MITF: variants seen among roughly 807,000 people sequenced by gnomAD.
MITF encodes the protein melanocyte inducing transcription factor.
In MITF, 17 loss-of-function variants were observed where a neutral mutation model predicts 60.5. That is an observed-to-expected ratio of 0.28 (90% CI 0.19 to 0.42). The LOEUF (loss-of-function observed/expected upper bound fraction) is 0.42, where lower values mean the gene tolerates loss of function less well. Among genes scored for constraint, MITF ranks in the 10% least tolerant of loss-of-function variants. The pLI is 1.00. For synonymous variants in MITF, 260 were observed against 248.5 expected (o/e 1.05, Z -0.43); for missense variants, 622 against 683.5 (o/e 0.91, Z 1.00).
intron 1 of MITF, among the ~76,000 whole-genome samples, chr3:69,749,497 G>A (rs1703849860): frequency 6.6e-6 from 1 of 152,164 alleles, no homozygotes; most frequent in African/African-American, 2.4e-5. Context: ...TAATGCTTTT[G>A]GCAGAGAGTG....
rs140458121 is a variant in MITF at position 69,851,300 on chromosome 3, T to G, written c.105-27834T>G. On this transcript the variant is annotated intron_variant, in intron 1 of 9. Transcript: ENST00000352241. ...AGTATGTACCATTTCTTTTTATTAT[T>G]GGTAATTGTGACCTTGGCTCAGTCA... is the stretch of plus-strand genomic sequence containing the variant. Among the ~76,000 whole-genome samples the G allele has an allele frequency of 7.7e-4, 117 of 152,342 alleles. 2 individuals are homozygous for G. Among genetic ancestry groups the G allele is most frequent in the African/African-American group, 2.6e-3 (109 of 41,586 alleles).
intron 1 of MITF, among the ~76,000 whole-genome samples, chr3:69,809,228 G>A (rs766719201): frequency 1.3e-5 from 2 of 152,096 alleles, no homozygotes; most frequent in Non-Finnish European, 2.9e-5. Flanking sequence ...AATAGGATAA[G>A]GAATGGGGTG....
At chr3:69,923,724 T>A (rs1042336178) in intron 2 of MITF, among the ~76,000 whole-genome samples, 2 of 152,224 alleles carry the variant, frequency 1.3e-5, no homozygotes, top group African/African-American at 2.4e-5. Flanking sequence ...AAAGAAGTAG[T>A]CTATCCTCTT....
intron 1 of MITF, among the ~76,000 whole-genome samples, chr3:69,814,791 G>A (rs2063155416): frequency 6.6e-6 from 1 of 152,132 alleles, no homozygotes; most frequent in Non-Finnish European, 1.5e-5. Context: ...TCCCAGTGGA[G>A]TCACATGGAG....
chr3:69,937,735 C>T, intron 2 of MITF, 87 bp from the exon 3 acceptor site: 1 of 1,053,388 alleles, frequency 9.5e-7, no homozygotes, highest in Non-Finnish European at 1.5e-6. Context: ...GTGGCCTGGT[C>T]AGTTTCATGT....
intron 9 of MITF, among the ~76,000 whole-genome samples, chr3:69,964,494 T>C (rs1351283675): frequency 1.5e-5 from 2 of 134,402 alleles, no homozygotes; most frequent in African/African-American, 5.8e-5. Flanking sequence ...AAGTATCTGA[T>C]TTTTAAAAAT....
intron 2 of MITF, among the ~76,000 whole-genome samples, chr3:69,927,531 TA>T (rs1242100997): frequency 3.5e-4 from 51 of 145,616 alleles, no homozygotes; most frequent in Middle Eastern, 3.5e-3. Context: ...GAACTTAAAG[TA>T]AAAAAAAAAA....
chr3:69,923,883 G>A (rs1304252389), intron 2 of MITF, among the ~76,000 whole-genome samples: 1 of 152,002 alleles, frequency 6.6e-6, no homozygotes, highest in East Asian at 1.9e-4. Flanking sequence ...AATTTGCTTT[G>A]TAGAGTATGA....
At chr3:69,809,763 T>C (rs571537799) in intron 1 of MITF, among the ~76,000 whole-genome samples, 1 of 152,260 alleles carries the variant, frequency 6.6e-6, no homozygotes, top group South Asian at 2.1e-4. Context: ...TGGATTCTTG[T>C]GTCATTCATT....
chr3:69,849,326 A>T (rs1284774482), intron 1 of MITF, among the ~76,000 whole-genome samples: 1 of 152,026 alleles, frequency 6.6e-6, no homozygotes, highest in Non-Finnish European at 1.5e-5. Flanking sequence ...CCTGGATGTA[A>T]ATTAAGGATT....
chr3:69,770,606 C>T (rs1422064545), intron 1 of MITF, among the ~76,000 whole-genome samples: 2 of 152,170 alleles, frequency 1.3e-5, no homozygotes, highest in African/African-American at 2.4e-5. Flanking sequence ...TCAGCATTTA[C>T]TGTGTATTGA....
chr3:69,881,532 G>A (rs1344404501), intron 2 of MITF, among the ~76,000 whole-genome samples: 1 of 151,942 alleles, frequency 6.6e-6, no homozygotes, highest in Non-Finnish European at 1.5e-5. Flanking sequence ...ATAAGTGATT[G>A]CTTCAGATAC....
rs2063946337 is a variant in MITF at position 69,857,852 on chromosome 3, T to A, written c.105-21282T>A. ...ATGAATGGATTTTAATAATTTTGAC[T>A]CTTCCTTCTTTTATTCATGATTTTG... On this transcript the variant is annotated intron_variant, in intron 1 of 9. Transcript: ENST00000352241. Among the ~76,000 whole-genome samples, 4 of 152,156 alleles carry A rather than the reference T, an allele frequency of 2.6e-5. No homozygotes were observed. The South Asian group carries it at 8.3e-4, about 31-fold the overall frequency.
At chr3:69,918,152 C>T (rs1176235988) in intron 2 of MITF, among the ~76,000 whole-genome samples, 1 of 152,144 alleles carries the variant, frequency 6.6e-6, no homozygotes, top group African/African-American at 2.4e-5. Context: ...ACAACCTCCA[C>T]CTCCCGGGTT....
At chr3:69,950,791 T>G (rs1265184743) in intron 6 of MITF, among the ~76,000 whole-genome samples, 1 of 152,102 alleles carries the variant, frequency 6.6e-6, no homozygotes, top group East Asian at 1.9e-4. Context: ...AGTAACATGT[T>G]TTGTTTTGTT....
chr3:69,907,157 T>C (rs2065117605), intron 2 of MITF, among the ~76,000 whole-genome samples: 1 of 152,140 alleles, frequency 6.6e-6, no homozygotes. Flanking sequence ...TATGCTACAG[T>C]ACCTTTGGTA....
chr3:69,884,107 G>A (rs922650922), intron 2 of MITF, among the ~76,000 whole-genome samples: 4 of 151,988 alleles, frequency 2.6e-5, no homozygotes, highest in Non-Finnish European at 5.9e-5. Context: ...TAAAACTCAC[G>A]TTATTGACTT....
chr3:69,866,143 C>A, intron 1 of MITF: 1 of 1,451,866 alleles, frequency 6.9e-7, no homozygotes, highest in Non-Finnish European at 9.1e-7. Flanking sequence ...CAGACAGAAA[C>A]CAGGCACCGT....
intron 1 of MITF, among the ~76,000 whole-genome samples, chr3:69,829,775 A>T (rs1024970028): frequency 6.6e-6 from 1 of 152,062 alleles, no homozygotes; most frequent in African/African-American, 2.4e-5. Context: ...CTTTCTCCCT[A>T]TGGATGTTAA....
Sources: allele counts gnomAD v4.1 joint callset (sites outside exome capture counted in the v4.1 genomes callset), GRCh38; gene constraint gnomAD v4.1.1; transcripts MANE v1.5; gene names NCBI Gene and HGNC (gene_info 2026-07-23, HGNC 2026-07-21).